The following FARP2 variants were observed in gnomAD, a reference collection of about 807,000 sequenced individuals.
FARP2 encodes the protein FERM, ARHGEF and pleckstrin domain-containing protein 2.
FARP2 carries 111 observed loss-of-function variants against 130.5 expected under a neutral mutation model. The observed-to-expected ratio is 0.85, with a 90% confidence interval of 0.73 to 1.00. FARP2 has a LOEUF of 1.00. FARP2 is among the 50% of genes least tolerant of loss of function. The pLI, the probability that FARP2 is intolerant of heterozygous loss-of-function variation, is 0.00. For missense variants in FARP2, 1,385 were observed against 1,346.3 expected, an observed-to-expected ratio of 1.03 and a Z score of -0.45; for synonymous variants, 504 against 516.9, an observed-to-expected ratio of 0.98 and a Z score of 0.34.
chr2:241,412,781 C>G (rs2062554393), intron 6 of FARP2, among the ~76,000 whole-genome samples: 1 of 152,150 alleles, frequency 6.6e-6, no homozygotes, highest in South Asian at 2.1e-4. Context: ...ATTCCCAGCA[C>G]ATTTGGGAGG....
Position 241,459,255 on chromosome 2 carries a change from G to T in FARP2, c.1587+2333G>T, listed in dbSNP as rs2063948333. Among the ~76,000 whole-genome samples the T allele has an allele frequency of 6.6e-6, 1 of 152,216 alleles. No homozygotes were observed. The highest frequency in any genetic ancestry group is 6.5e-5 in the Admixed American group (1 of 15,286). ...CTCATGAACCAGTGTGCCCAGCCAG[G>T]CTGCAACAGGTTCTGGGGAGACCCC... On this transcript the variant is annotated intron_variant, in intron 14 of 26. Transcript: ENST00000264042. This position sits in a 1 kb window ranked among gnomAD's most constrained non-coding sequence, Gnocchi z 5.3.
intron 13 of FARP2, 37 bp downstream of exon 13, chr2:241,441,593 CTG>C (rs1282792399): frequency 6.2e-7 from 1 of 1,613,642 alleles, no homozygotes; most frequent in Non-Finnish European, 8.5e-7. Context: ...AGCTGTGGTT[CTG>C]TCTGTGCTGG....
At position 241,493,015 on chromosome 2, in the gene FARP2, G is replaced by A. The variant is rs938885805; in HGVS notation, c.2874G>A (p.Leu958=). 6.9e-6 allele frequency: 11 copies of A among 1,604,568 alleles called. No homozygotes were observed. The highest frequency in any genetic ancestry group is 6.7e-5 in the African/African-American group (5 of 74,752). The change falls in exon 25 of 27, where the codon TTG becomes TTA. Residue 958 remains leucine (L), a synonymous_variant. Transcript: ENST00000264042. ...KLWVVFTNFC[L]FFYKTHQDDY... ...GGGTCGTCTTTACCAACTTCTGTTTGTTCTTCTACAAAACTCATCAGGTAC... is the reference window on the plus strand; with the variant it reads ...GGGTCGTCTTTACCAACTTCTGTTTATTCTTCTACAAAACTCATCAGGTAC...
At chr2:241,402,886 T>A (rs1239780356) in intron 2 of FARP2, among the ~76,000 whole-genome samples, 121 of 53,042 alleles carry the variant, frequency 2.3e-3, no homozygotes, top group South Asian at 6.4e-3. Flanking sequence ...ATATATTTTT[T>A]TTTTTTTTTT....
chr2:241,447,051 T>C (rs1346062767), intron 13 of FARP2: 1 of 152,258 alleles, frequency 6.6e-6, no homozygotes, highest in Non-Finnish European at 1.5e-5. Context: ...AAATTTGTTT[T>C]CCATTGAAAT....
At chr2:241,403,684 TTATA>T (rs1389246122) in intron 2 of FARP2, 140 bp from the exon 3 acceptor site, 3 of 433,248 alleles carry the variant, frequency 6.9e-6, no homozygotes, top group South Asian at 8.0e-5. Context: ...ACTTTTTTTT[TTATA>T]TATAGTTTAT....
chr2:241,393,763 A>G (rs1380048010), intron 2 of FARP2, among the ~76,000 whole-genome samples: 1 of 152,188 alleles, frequency 6.6e-6, no homozygotes, highest in African/African-American at 2.4e-5. Flanking sequence ...TTTGTCGCCC[A>G]TTTTCATCTA....
intron 12 of FARP2, among the ~76,000 whole-genome samples, chr2:241,437,228 A>T (rs1028070845): frequency 4.6e-5 from 7 of 152,230 alleles, no homozygotes; most frequent in Non-Finnish European, 5.9e-5. Context: ...TTGTATCTCT[A>T]TGTCTTTGGC....
At chr2:241,361,856 T>G (rs971864365) in intron 1 of FARP2, among the ~76,000 whole-genome samples, 1 of 151,910 alleles carries the variant, frequency 6.6e-6, no homozygotes, top group Non-Finnish European at 1.5e-5. Flanking sequence ...CTTTTATAAA[T>G]TTCTTGTCCC....
intron 21 of FARP2, among the ~76,000 whole-genome samples, chr2:241,485,469 C>A (rs2064729714): frequency 6.7e-6 from 1 of 149,146 alleles, no homozygotes; most frequent in Non-Finnish European, 1.5e-5. Context: ...CTGGGATCTT[C>A]CCTCCATCGG....
rs150579144 is a variant in FARP2, at chr2:241,486,751, A to G, written c.2421+2420A>G. ...AATTATGTCCTTCAGATCAATTCCA[A>G]AATGTAGATTTGTCTGAGCAAAGGT... On this transcript the variant is annotated intron_variant, in intron 21 of 26. Coordinates refer to ENST00000264042, the MANE Select transcript of FARP2 (RefSeq NM_014808.4). Among the ~76,000 whole-genome samples the G allele has an allele frequency of 6.3e-4, 96 of 152,276 alleles. 1 individual carries two copies. The highest frequency in any genetic ancestry group is 3.4e-3 in the Middle Eastern group (1 of 294).
intron 13 of FARP2, chr2:241,446,874 G>C (rs1339840206): frequency 6.6e-6 from 1 of 152,244 alleles, no homozygotes; most frequent in East Asian, 1.9e-4. Context: ...TCCACGTGGT[G>C]GTCCATGCCT....
rs2064442526 is a variant in FARP2, at chr2:241,475,826, TAC to T, written c.2132-28_2132-27del. ...AGGGTGCTGTGCACACCACTGCCTGTACACCTGTACTGAGGGGTCTCTCCACA... is the reference window on the plus strand; with the variant it reads ...AGGGTGCTGTGCACACCACTGCCTGTACCTGTACTGAGGGGTCTCTCCACA... On this transcript the variant is annotated intron_variant, in intron 18 of 26. Transcript: ENST00000264042. The surrounding 1 kb of genome is among the most constrained non-coding windows in gnomAD (Gnocchi z 4.4). The T allele has an allele frequency of 3.8e-6, 6 of 1,584,530 alleles. No individual in the cohort carries two copies. The East Asian group carries it at 1.4e-4, about 36-fold the overall frequency.
chr2:241,440,657 ATC>A (rs1429141014), intron 12 of FARP2, among the ~76,000 whole-genome samples: 1 of 152,148 alleles, frequency 6.6e-6, no homozygotes, highest in Admixed American at 6.5e-5. Flanking sequence ...GCGACGATAC[ATC>A]TCTGACAGAT....
chr2:241,487,107 T>G (rs2064771461), intron 21 of FARP2, among the ~76,000 whole-genome samples: 1 of 152,216 alleles, frequency 6.6e-6, no homozygotes, highest in South Asian at 2.1e-4. Flanking sequence ...ATTAGTGAAA[T>G]GTTTATATGA....
chr2:241,379,098 A>G (rs2061604280), intron 2 of FARP2, among the ~76,000 whole-genome samples: 2 of 152,206 alleles, frequency 1.3e-5, no homozygotes, highest in Admixed American at 1.3e-4. Context: ...GTCTAACTCC[A>G]TTGCTGGATG....
intron 19 of FARP2, among the ~76,000 whole-genome samples, chr2:241,481,359 A>T (rs1467354105): frequency 6.6e-6 from 1 of 152,230 alleles, no homozygotes; most frequent in East Asian, 1.9e-4. Flanking sequence ...TACTCTCAAC[A>T]TAAAAAATTG....
At chr2:241,484,399 C>G in intron 21 of FARP2, 68 bp downstream of exon 21, 1 of 1,306,784 alleles carries the variant, frequency 7.7e-7, no homozygotes, top group Non-Finnish European at 1.1e-6. Flanking sequence ...TACCTCTCTC[C>G]TGCAGAGGCG....
intron 16 of FARP2, 197 bp downstream of exon 16, chr2:241,463,665 G>A (rs532794765): frequency 2.0e-5 from 14 of 715,736 alleles, no homozygotes; most frequent in Non-Finnish European, 3.2e-5. Context: ...AGTGCAAGGA[G>A]CAAGTTAAAA....
Sources: gnomAD v4.1 joint callset for allele counts (sites outside exome capture counted in the v4.1 genomes callset) on GRCh38, gnomAD v4.1.1 for gene constraint, Gnocchi (gnomAD v3.1) non-coding constraint, MANE v1.5 for transcripts, NCBI Gene and HGNC (gene_info 2026-07-23, HGNC 2026-07-21) for gene names.